The following ROBO1 variants were observed in gnomAD, a reference collection of about 807,000 sequenced individuals.
The protein encoded by ROBO1 is roundabout homolog 1.
Under a neutral mutation model 195.9 loss-of-function variants are expected in ROBO1, and 149 were observed. That is an observed-to-expected ratio of 0.76 (90% confidence interval 0.67 to 0.87). ROBO1 has a LOEUF of 0.87. Among genes scored for constraint, ROBO1 ranks in the 40% least tolerant of loss-of-function variants. The pLI, the probability that ROBO1 is intolerant of heterozygous loss-of-function variation, is 0.00. For missense variants in ROBO1, 1,933 were observed against 2,068.3 expected (o/e 0.93, Z 1.27); for synonymous variants, 816 against 733.2 (o/e 1.11, Z -1.82).
chr3:79,220,675 A>G (rs2082121965), intron 2 of ROBO1, among the ~76,000 whole-genome samples: 1 of 151,914 alleles, frequency 6.6e-6, no homozygotes, highest in Middle Eastern at 3.2e-3. Context: ...AGATTGGGTG[A>G]CTGTGTATCT....
At chr3:79,127,208 C>T (rs1356063251) in intron 2 of ROBO1, among the ~76,000 whole-genome samples, 1 of 152,124 alleles carries the variant, frequency 6.6e-6, no homozygotes, top group Non-Finnish European at 1.5e-5. Context: ...TTAGGTCAAA[C>T]TTTTAAGCCA....
chr3:78,743,708 A>C (rs1382332553), intron 5 of ROBO1, among the ~76,000 whole-genome samples: 1 of 152,148 alleles, frequency 6.6e-6, no homozygotes, highest in African/African-American at 2.4e-5. Context: ...TTCTACACAT[A>C]ACTCAGGGGC....
chr3:78,960,503 G>C (rs549999279), intron 3 of ROBO1, among the ~76,000 whole-genome samples: 1 of 151,876 alleles, frequency 6.6e-6, no homozygotes, highest in South Asian at 2.1e-4. Context: ...TAATGGGTCC[G>C]GGTGTGGTGG....
intron 4 of ROBO1, among the ~76,000 whole-genome samples, chr3:78,909,577 T>C (rs1271315565): frequency 6.6e-6 from 1 of 151,918 alleles, no homozygotes; most frequent in Non-Finnish European, 1.5e-5. Flanking sequence ...TGATTATAAT[T>C]TGATTTCCTG....
chr3:79,003,184 T>A (rs2077544327), intron 3 of ROBO1, among the ~76,000 whole-genome samples: 1 of 152,174 alleles, frequency 6.6e-6, no homozygotes, highest in Non-Finnish European at 1.5e-5. Flanking sequence ...GAAATGGCCA[T>A]CACATTGACA....
At chr3:78,659,619 C>CT (rs201176979) in intron 17 of ROBO1, 67 bp downstream of exon 17, 6 of 1,218,256 alleles carry the variant, frequency 4.9e-6, no homozygotes, top group Non-Finnish European at 5.3e-6. Context: ...TACCAGCCTG[C>CT]TTTTTCTTTA....
chr3:78,974,089 C>A (rs2076833855), intron 3 of ROBO1, among the ~76,000 whole-genome samples: 2 of 152,040 alleles, frequency 1.3e-5, no homozygotes, highest in East Asian at 3.9e-4. Flanking sequence ...AAAAAAACAT[C>A]ATTAGCGAAT....
intron 10 of ROBO1, among the ~76,000 whole-genome samples, chr3:78,673,628 T>C (rs1344806129): frequency 8.5e-6 from 1 of 118,222 alleles, no homozygotes; most frequent in Non-Finnish European, 1.7e-5. Context: ...TACAGCAGGG[T>C]TATAAAAGTT....
intron 2 of ROBO1, among the ~76,000 whole-genome samples, chr3:79,138,550 C>A (rs1459155932): frequency 6.6e-6 from 1 of 151,848 alleles, no homozygotes; most frequent in Non-Finnish European, 1.5e-5. Flanking sequence ...ATATTACTTC[C>A]TTTTTCTCCC....
At chr3:78,903,176 G>C (rs2037688670) in intron 4 of ROBO1, among the ~76,000 whole-genome samples, 1 of 151,896 alleles carries the variant, frequency 6.6e-6, no homozygotes, top group African/African-American at 2.4e-5. Context: ...TTAATGTTTG[G>C]CAGTTTTTAT....
At chr3:79,290,285 G>T (rs1341631768) in intron 2 of ROBO1, among the ~76,000 whole-genome samples, 2 of 152,086 alleles carry the variant, frequency 1.3e-5, no homozygotes, top group South Asian at 2.1e-4. Flanking sequence ...ACCCGCCTCG[G>T]CCTCCCAAAG....
intron 4 of ROBO1, among the ~76,000 whole-genome samples, chr3:78,847,840 G>C (rs921347809): frequency 2.0e-5 from 3 of 152,140 alleles, no homozygotes; most frequent in Non-Finnish European, 4.4e-5. Flanking sequence ...AATGAGTCAG[G>C]CTTTCAGGTA....
chr3:78,972,390 G>A (rs1018449146), intron 3 of ROBO1, among the ~76,000 whole-genome samples: 33 of 152,038 alleles, frequency 2.2e-4, no homozygotes, highest in Non-Finnish European at 3.2e-4. Context: ...TGGATCCACG[G>A]ATTTACCTTA....
chr3:78,607,201 A>T (rs9831685), intron 28 of ROBO1, 160 bp from the exon 29 acceptor site: 661,101 of 665,220 alleles, frequency 0.99, 328,600 homozygotes, highest in East Asian at 1. Context: ...ACAATTTTTT[A>T]AAATTTATGT....
chr3:79,556,414 G>A (rs539611352), intron 2 of ROBO1, among the ~76,000 whole-genome samples: 3 of 152,156 alleles, frequency 2.0e-5, no homozygotes, highest in South Asian at 2.1e-4. Context: ...CATGAAGTAT[G>A]TACTGGTTTG....
chr3:78,702,467 T>C (rs2081442365), intron 8 of ROBO1, among the ~76,000 whole-genome samples: 2 of 152,222 alleles, frequency 1.3e-5, no homozygotes, highest in Non-Finnish European at 2.9e-5. Flanking sequence ...CAAAATATTA[T>C]GTGAATCAAC....
rs142945043 is a variant in ROBO1 at position 79,651,907 on chromosome 3, T to C, written c.-50-61946A>G. Among the ~76,000 whole-genome samples, 391 of 152,284 alleles carry C rather than the reference T, an allele frequency of 2.6e-3. 5 individuals carry two copies. Among genetic ancestry groups the C allele is most frequent in the African/African-American group, 8.2e-3 (340 of 41,584 alleles). On this transcript the variant is annotated intron_variant, in intron 1 of 30. Transcript: ENST00000464233. ...CTGTAATTCACCAACATTTTTTCTC[T>C]TACTGCATTTTGATTGAAATCTAGG...
chr3:79,372,954 T>C (rs1006273329), intron 2 of ROBO1, among the ~76,000 whole-genome samples: 1 of 152,082 alleles, frequency 6.6e-6, no homozygotes, highest in African/African-American at 2.4e-5. Flanking sequence ...AGGTTTGTTA[T>C]ATGGGTTTAT....
intron 3 of ROBO1, among the ~76,000 whole-genome samples, chr3:78,950,665 TAATAA>T: frequency 6.7e-6 from 1 of 150,318 alleles, no homozygotes; most frequent in Admixed American, 6.6e-5. Flanking sequence ...AGTATAATAA[TAATAA>T]AATAAATGTA....
Sources: allele counts gnomAD v4.1 joint callset (sites outside exome capture counted in the v4.1 genomes callset), GRCh38; gene constraint gnomAD v4.1.1; transcripts MANE v1.5; gene names NCBI Gene and HGNC (gene_info 2026-07-23, HGNC 2026-07-21).